The following FBXL13 variants were observed in gnomAD, a reference collection of about 807,000 sequenced individuals.
The protein encoded by FBXL13 is F-box and leucine rich repeat protein 13, also known as F-box and leucine-rich repeat protein 13.
Under a neutral mutation model 83.6 loss-of-function variants are expected in FBXL13, and 67 were observed. That is an observed-to-expected ratio of 0.80 (90% CI 0.66 to 0.98). FBXL13 has a LOEUF of 0.98. Among genes scored for constraint, FBXL13 ranks in the 50% least tolerant of loss-of-function variants. The pLI is 0.00. For missense variants in FBXL13, 822 were observed against 866.5 expected (o/e 0.95, Z 0.64); for synonymous variants, 272 against 299.5 (o/e 0.91, Z 0.95).
intron 11 of FBXL13, among the ~76,000 whole-genome samples, chr7:102,905,169 C>T (rs1032568495): frequency 5.3e-5 from 8 of 150,852 alleles, no homozygotes; most frequent in Non-Finnish European, 1.2e-4. Flanking sequence ...GTCTTTGTTG[C>T]TTTTCTGTCT....
At chr7:102,921,353 A>G (rs1006317289) in intron 10 of FBXL13, among the ~76,000 whole-genome samples, 1 of 152,180 alleles carries the variant, frequency 6.6e-6, no homozygotes. Flanking sequence ...TCAAGAATTT[A>G]TATGTATATA....
intron 10 of FBXL13, among the ~76,000 whole-genome samples, chr7:102,914,579 T>C (rs1181239642): frequency 1.3e-5 from 2 of 152,324 alleles, no homozygotes; most frequent in East Asian, 3.9e-4. Context: ...AAATAAGATA[T>C]ACAAGCACTG....
At chr7:102,982,319 C>T (rs1232788294) in intron 6 of FBXL13, among the ~76,000 whole-genome samples, 2 of 152,150 alleles carry the variant, frequency 1.3e-5, no homozygotes, top group African/African-American at 4.8e-5. Context: ...TAGTAGGTTA[C>T]TAGGGGTAAT....
chr7:102,971,038 A>T (rs893796975), intron 6 of FBXL13, among the ~76,000 whole-genome samples: 2 of 152,238 alleles, frequency 1.3e-5, no homozygotes, highest in African/African-American at 4.8e-5. Context: ...AAAATACCAC[A>T]GACTAAAATG....
At chr7:102,906,423 T>A (rs79713487) in intron 11 of FBXL13, among the ~76,000 whole-genome samples, 3,708 of 152,336 alleles carry the variant, frequency 0.024, 147 homozygotes, top group East Asian at 0.16. Flanking sequence ...TAAAATTCTG[T>A]GCTTTTCTGT....
intron 6 of FBXL13, among the ~76,000 whole-genome samples, chr7:103,017,520 C>A (rs538513637): frequency 6.6e-6 from 1 of 152,290 alleles, no homozygotes; most frequent in South Asian, 2.1e-4. Context: ...GACGATCAAA[C>A]TTCTCCAAGC....
chr7:103,021,509 T>C (rs141051929), intron 6 of FBXL13, among the ~76,000 whole-genome samples: 1,901 of 152,278 alleles, frequency 0.012, 42 homozygotes, highest in African/African-American at 0.044. Context: ...GAAGAGTTTC[T>C]GCACAGCAAA....
At position 102,994,647 on chromosome 7, in the gene FBXL13, C is replaced by T. The variant is rs968775649; in HGVS notation, c.496-26530G>A. ...CATTAAAGAAAAAAGGAGGGTTTCG[C>T]TTTTATAGTTAAAATTCCCACCCAG... is the stretch of plus-strand genomic sequence containing the variant. On this transcript the variant is annotated intron_variant, in intron 6 of 19. Coordinates refer to ENST00000313221, the Ensembl canonical transcript of FBXL13. Among the ~76,000 whole-genome samples, 9 of 152,298 alleles carry T rather than the reference C, an allele frequency of 5.9e-5. 1 individual carries two copies. The highest frequency in any genetic ancestry group is 2.0e-4 in the Admixed American group (3 of 15,296).
intron 6 of FBXL13, among the ~76,000 whole-genome samples, chr7:102,982,925 C>T (rs906065450): frequency 2.0e-5 from 3 of 152,186 alleles, no homozygotes; most frequent in Admixed American, 1.3e-4. Context: ...ATAAACTCAG[C>T]GTCTTCCAAC....
rs1795771074 is a variant in FBXL13, at chr7:103,042,074, C to T, written c.1-12656G>A. Among the ~76,000 whole-genome samples, 4 of 152,190 alleles carry T rather than the reference C, an allele frequency of 2.6e-5. No homozygotes were observed. The South Asian group carries it at 8.3e-4, about 32-fold the overall frequency. On this transcript the variant is annotated intron_variant, in intron 2 of 19. Transcript: ENST00000313221. ...GACACGACTGTATATTTAGAAAAAC[C>T]CATTGTCTCAGCCCAAAATCTCCTT...
chr7:102,826,999 C>T, intron 18 of FBXL13: 3 of 354,940 alleles, frequency 8.5e-6, no homozygotes, highest in South Asian at 4.0e-5. Context: ...TAAAAATGGC[C>T]ACAAATGCTT....
intron 8 of FBXL13, among the ~76,000 whole-genome samples, chr7:102,956,107 T>C (rs1227047119): frequency 6.6e-6 from 1 of 152,126 alleles, no homozygotes; most frequent in African/African-American, 2.4e-5. Context: ...CCAATATCCC[T>C]GATGAATATC....
intron 7 of FBXL13, among the ~76,000 whole-genome samples, chr7:102,967,460 A>G (rs981684373): frequency 4.6e-5 from 7 of 152,104 alleles, no homozygotes; most frequent in African/African-American, 1.4e-4. Flanking sequence ...TTTAGTAGAG[A>G]CAGGGTTTCA....
chr7:102,872,090 G>A (rs114043094), intron 16 of FBXL13, among the ~76,000 whole-genome samples: 77 of 152,216 alleles, frequency 5.1e-4, no homozygotes, highest in African/African-American at 1.9e-3. Context: ...TTTTTATATA[G>A]TGTATTCTAG....
intron 2 of FBXL13, among the ~76,000 whole-genome samples, chr7:103,036,401 A>C (rs1795071348): frequency 6.6e-6 from 1 of 152,174 alleles, no homozygotes; most frequent in Non-Finnish European, 1.5e-5. Context: ...AAAAGAAGCC[A>C]TGTCTTTAAT....
At chr7:103,002,852 A>G (rs191897578) in intron 6 of FBXL13, among the ~76,000 whole-genome samples, 31 of 152,042 alleles carry the variant, frequency 2.0e-4, no homozygotes, top group African/African-American at 7.0e-4. Context: ...CTGACCTTTA[A>G]GAGTTTATTA....
Position 102,853,964 on chromosome 7 carries a change from G to A in FBXL13, c.1719+813C>T, listed in dbSNP as rs527463675. On this transcript the variant is annotated intron_variant, in intron 17 of 19. Transcript: ENST00000313221. ...CAACCATTGTGGAAGCCAGTGCAGC[G>A]ATTCCTTAGGGATCTAGAACTAGAA... Among the ~76,000 whole-genome samples the A allele has an allele frequency of 1.5e-3, 221 of 152,264 alleles. 1 individual carries two copies. The highest frequency in any genetic ancestry group is 6.8e-3 in the Middle Eastern group (2 of 294).
At chr7:102,998,558 T>G (rs559843840) in intron 6 of FBXL13, among the ~76,000 whole-genome samples, 13 of 152,234 alleles carry the variant, frequency 8.5e-5, no homozygotes, top group Non-Finnish European at 1.6e-4. Flanking sequence ...AATTATTTGC[T>G]GTTGGCATAT....
chr7:103,065,069 A>G (rs1365414074), intron 1 of FBXL13, among the ~76,000 whole-genome samples: 2 of 152,244 alleles, frequency 1.3e-5, no homozygotes, highest in South Asian at 2.1e-4. Context: ...AACTGGTTGC[A>G]TGTCACATGG....
Sources: allele counts gnomAD v4.1 joint callset (sites outside exome capture counted in the v4.1 genomes callset), GRCh38; gene constraint gnomAD v4.1.1; transcripts MANE v1.5; gene names NCBI Gene and HGNC (gene_info 2026-07-23, HGNC 2026-07-21).